Variants in LOC128462377 observed in about 807,000 individuals in gnomAD.
At chr16:89,396,279 G>A in the LOC128462377 span, among the ~76,000 whole-genome samples, 33 of 152,254 alleles carry the variant, frequency 2.2e-4, no homozygotes, top group African/African-American at 7.7e-4. Flanking sequence ...CGAGTCCCGG[G>A]CACCCAATCG....
chr16:89,325,670 C>T, the LOC128462377 span, among the ~76,000 whole-genome samples: 20 of 152,318 alleles, frequency 1.3e-4, no homozygotes, highest in East Asian at 2.1e-3. Flanking sequence ...GTGAAGGCTG[C>T]GGAGGCGTTT....
the LOC128462377 span, among the ~76,000 whole-genome samples, chr16:89,373,670 ACT>A: frequency 6.6e-6 from 1 of 152,144 alleles, no homozygotes; most frequent in Non-Finnish European, 1.5e-5. Context: ...ACATCATGTA[ACT>A]CTCGCTGATG....
the LOC128462377 span, among the ~76,000 whole-genome samples, chr16:89,356,615 CA>C: frequency 0.017 from 1,973 of 113,264 alleles, 35 homozygotes; most frequent in African/African-American, 0.047. Context: ...ACTAAAAATA[CA>C]AAAAAAAAAA....
chr16:89,402,620 T>C, the LOC128462377 span, among the ~76,000 whole-genome samples: 1 of 146,198 alleles, frequency 6.8e-6, no homozygotes, highest in African/African-American at 2.6e-5. Flanking sequence ...AGTTCAAGCC[T>C]TGAGTGAGCT....
At chr16:89,370,315 T>C in the LOC128462377 span, among the ~76,000 whole-genome samples, 1 of 152,148 alleles carries the variant, frequency 6.6e-6, no homozygotes, top group South Asian at 2.1e-4. Context: ...AAGATGTTTC[T>C]GGAAGGAGCT....
At chr16:89,342,179 A>G in the LOC128462377 span, among the ~76,000 whole-genome samples, 1 of 152,260 alleles carries the variant, frequency 6.6e-6, no homozygotes, top group Non-Finnish European at 1.5e-5. Context: ...TCAAAGCACA[A>G]CACAGGTACT....
At chr16:89,351,195 C>T in the LOC128462377 span, among the ~76,000 whole-genome samples, 30 of 152,322 alleles carry the variant, frequency 2.0e-4, no homozygotes, top group African/African-American at 6.5e-4. Context: ...AGAGAGGCGG[C>T]GGCGGCAGCT....
At chr16:89,317,155 A>T in the LOC128462377 span, 3 of 986,598 alleles carry the variant, frequency 3.0e-6, no homozygotes, top group East Asian at 7.8e-5. Context: ...CGCACTCAAC[A>T]GACTCAGTAA....
the LOC128462377 span, chr16:89,396,204 T>C: frequency 3.3e-5 from 5 of 152,202 alleles, no homozygotes; most frequent in Non-Finnish European, 7.3e-5. Context: ...AAAGTCTCCC[T>C]GGAAGAGACA....
At chr16:89,347,314 A>G in the LOC128462377 span, among the ~76,000 whole-genome samples, 16 of 152,120 alleles carry the variant, frequency 1.1e-4, no homozygotes, top group African/African-American at 3.9e-4. Flanking sequence ...GTACACATAA[A>G]AAGAGTTCCG....
At chr16:89,416,654 G>C in the LOC128462377 span, among the ~76,000 whole-genome samples, 52 of 151,832 alleles carry the variant, frequency 3.4e-4, no homozygotes, top group African/African-American at 1.2e-3. Flanking sequence ...TTTTGGCCAG[G>C]TGTGGTGGCT....
the LOC128462377 span, among the ~76,000 whole-genome samples, chr16:89,340,220 C>T: frequency 3.3e-5 from 5 of 152,240 alleles, no homozygotes; most frequent in Non-Finnish European, 7.3e-5. Context: ...ACTGTATAGT[C>T]ATTCACAAAC....
At chr16:89,334,169 A>C in the LOC128462377 span, among the ~76,000 whole-genome samples, 2,171 of 107,244 alleles carry the variant, frequency 0.02, 146 homozygotes, top group East Asian at 0.078. Context: ...AAAAAAAAAA[A>C]AAAACAGAGA....
At chr16:89,387,062 G>A in the LOC128462377 span, among the ~76,000 whole-genome samples, 4 of 152,134 alleles carry the variant, frequency 2.6e-5, no homozygotes, top group African/African-American at 9.7e-5. Context: ...CCTGGAAGGT[G>A]CAGGAGCCAC....
the LOC128462377 span, chr16:89,324,054 G>A: frequency 8.2e-6 from 2 of 242,578 alleles, no homozygotes; most frequent in Non-Finnish European, 1.6e-5. Flanking sequence ...GTTTCACCAT[G>A]TTGGCCAGGG....
chr16:89,377,277 G>C, the LOC128462377 span, among the ~76,000 whole-genome samples: 1 of 152,180 alleles, frequency 6.6e-6, no homozygotes, highest in Non-Finnish European at 1.5e-5. Context: ...GGGAGAGAGA[G>C]AGAGAGAGCA....
At chr16:89,406,503 T>C in the LOC128462377 span, among the ~76,000 whole-genome samples, 5 of 152,160 alleles carry the variant, frequency 3.3e-5, no homozygotes, top group East Asian at 7.7e-4. Flanking sequence ...AACATGTTCG[T>C]TGGCCATGCC....
chr16:89,335,807 G>A, the LOC128462377 span, among the ~76,000 whole-genome samples: 1 of 152,168 alleles, frequency 6.6e-6, no homozygotes. Context: ...CTTGTTTTAC[G>A]GTTTGACCCA....
chr16:89,411,860 C>G, the LOC128462377 span, among the ~76,000 whole-genome samples: 1 of 152,196 alleles, frequency 6.6e-6, no homozygotes, highest in Non-Finnish European at 1.5e-5. Flanking sequence ...TGGCCAGTAA[C>G]GAAGATGCCT....
Sources: gnomAD v4.1 joint callset for allele counts (sites outside exome capture counted in the v4.1 genomes callset) on GRCh38, gnomAD v4.1.1 for gene constraint, MANE v1.5 for transcripts.